Variants in SCEL observed in about 807,000 individuals in gnomAD.
SCEL encodes sciellin.
In SCEL, 113 loss-of-function variants were observed where a neutral mutation model predicts 117.6. That is an observed-to-expected ratio of 0.96 (90% confidence interval 0.83 to 1.12). The LOEUF is 1.12. SCEL is among the 50% of genes most tolerant of loss of function. The pLI is 0.00. For missense variants in SCEL, 785 were observed against 810.8 expected (o/e 0.97, Z 0.39); for synonymous variants, 270 against 256.2 (o/e 1.05, Z -0.51).
chr13:77,553,640 G>A (rs2084480412), intron 1 of SCEL, among the ~76,000 whole-genome samples: 1 of 151,982 alleles, frequency 6.6e-6, no homozygotes, highest in Non-Finnish European at 1.5e-5. Flanking sequence ...CTCCCGGTGT[G>A]CTCAGCTGCC....
intron 9 of SCEL, among the ~76,000 whole-genome samples, chr13:77,574,169 G>A (rs1438727736): frequency 6.6e-6 from 1 of 152,188 alleles, no homozygotes; most frequent in Non-Finnish European, 1.5e-5. Flanking sequence ...ATATAACAGT[G>A]TAAAACATGG....
At position 77,642,918 on chromosome 13, in the gene SCEL, A is replaced by G. The variant is rs1226459545; in HGVS notation, c.2050+110A>G. ...GTAAAACATTTTACTAGTTATATTT[A>G]GTTAATAATTCAGCTGCAGATATTT... On this transcript the variant is annotated intron_variant, in intron 32 of 32. Transcript: ENST00000349847. 1.5e-5 allele frequency: 8 copies of G among 551,102 alleles called. No individual in the cohort carries two copies. The African/African-American group carries it at 1.5e-4, about 11-fold the overall frequency. The allele number at this position is 551,102 out of a possible 1,614,324, so 34.1% of individuals were successfully genotyped here. A position where few individuals can be genotyped will look rare whatever the true frequency, so the allele number is the denominator to read the frequency against.
At chr13:77,571,365 C>T (rs1487588986) in intron 8 of SCEL, among the ~76,000 whole-genome samples, 2 of 115,614 alleles carry the variant, frequency 1.7e-5, no homozygotes, top group Non-Finnish European at 3.4e-5. Flanking sequence ...TGGGAGACAG[C>T]GAGACTACAT....
At chr13:77,637,413 A>T (rs45521439) in intron 30 of SCEL, among the ~76,000 whole-genome samples, 2 of 109,002 alleles carry the variant, frequency 1.8e-5, no homozygotes, top group African/African-American at 3.8e-5. Flanking sequence ...TATATAAATA[A>T]ATATATATAT....
intron 1 of SCEL, among the ~76,000 whole-genome samples, chr13:77,541,892 G>T (rs2083722272): frequency 6.6e-6 from 1 of 152,082 alleles, no homozygotes; most frequent in Admixed American, 6.5e-5. Context: ...TAACTAACAG[G>T]GTTTTGGCTC....
intron 27 of SCEL, among the ~76,000 whole-genome samples, chr13:77,618,292 T>A (rs2089212712): frequency 6.6e-6 from 1 of 152,104 alleles, no homozygotes; most frequent in Non-Finnish European, 1.5e-5. Flanking sequence ...GTGGTCCTCC[T>A]GCCTCAGCCT....
At chr13:77,630,399 C>T (rs2089969917) in intron 28 of SCEL, among the ~76,000 whole-genome samples, 1 of 152,086 alleles carries the variant, frequency 6.6e-6, no homozygotes, top group South Asian at 2.1e-4. Flanking sequence ...TATAAGGTGG[C>T]CAGACAATTT....
chr13:77,540,431 T>C (rs947890297), intron 1 of SCEL, among the ~76,000 whole-genome samples: 2 of 152,176 alleles, frequency 1.3e-5, no homozygotes, highest in East Asian at 1.9e-4. Context: ...TTATGGAAAC[T>C]CTTTGCTATT....
intron 27 of SCEL, among the ~76,000 whole-genome samples, chr13:77,621,543 T>C (rs1177683145): frequency 1.3e-5 from 2 of 152,232 alleles, no homozygotes; most frequent in Non-Finnish European, 2.9e-5. Flanking sequence ...GCCCATAACA[T>C]TGGTCTCTTC....
chr13:77,548,752 C>T (rs2084134135), intron 1 of SCEL, among the ~76,000 whole-genome samples: 1 of 152,240 alleles, frequency 6.6e-6, no homozygotes, highest in African/African-American at 2.4e-5. Context: ...AGTTCCCCTG[C>T]ACATGCTCTC....
intron 27 of SCEL, among the ~76,000 whole-genome samples, chr13:77,627,128 G>T (rs1021147071): frequency 1.2e-4 from 19 of 152,030 alleles, no homozygotes; most frequent in African/African-American, 4.6e-4. Flanking sequence ...GATTTCCCTT[G>T]TTTCTGTGAT....
chr13:77,600,364 C>T (rs556990886), intron 15 of SCEL, among the ~76,000 whole-genome samples: 2 of 151,946 alleles, frequency 1.3e-5, no homozygotes, highest in Admixed American at 6.6e-5. Flanking sequence ...CCTGACCTCA[C>T]GTGATCTGCC....
chr13:77,543,529 C>A (rs975534285), intron 1 of SCEL, among the ~76,000 whole-genome samples: 2 of 152,080 alleles, frequency 1.3e-5, no homozygotes, highest in Non-Finnish European at 2.9e-5. Flanking sequence ...GTTAAAATAT[C>A]CAAATGTCAC....
rs1315143204 is a variant in SCEL at position 77,620,698 on chromosome 13, T to A, written c.1628+2638T>A. ...TGGTAGCCTATAAACTGTGTTAGAC[T>A]GATTATTAAAATGCTACATTTCTGC... On this transcript the variant is annotated intron_variant, in intron 27 of 32. Transcript: ENST00000349847. Among the ~76,000 whole-genome samples the A allele has an allele frequency of 3.9e-5, 6 of 152,306 alleles. 1 individual carries two copies. In the East Asian group the frequency reaches 1.2e-3, roughly 29 times the overall value.
At chr13:77,625,640 G>A (rs1052924802) in intron 27 of SCEL, among the ~76,000 whole-genome samples, 4 of 152,174 alleles carry the variant, frequency 2.6e-5, no homozygotes, top group African/African-American at 9.7e-5. Context: ...TGAGGCTTAA[G>A]TATGGCTAGG....
chr13:77,607,802 A>G (rs1312971003), intron 19 of SCEL, among the ~76,000 whole-genome samples: 3 of 152,220 alleles, frequency 2.0e-5, no homozygotes, highest in African/African-American at 7.2e-5. Context: ...TCCTAGTGCA[A>G]TACTTGCTAG....
intron 11 of SCEL, among the ~76,000 whole-genome samples, chr13:77,592,505 A>G (rs951546477): frequency 6.6e-6 from 1 of 151,260 alleles, no homozygotes; most frequent in African/African-American, 2.4e-5. Context: ...TCTTCATGGA[A>G]CCTTATTAAC....
intron 30 of SCEL, among the ~76,000 whole-genome samples, chr13:77,638,668 T>TA (rs1313946420): frequency 6.6e-6 from 1 of 152,188 alleles, no homozygotes; most frequent in Non-Finnish European, 1.5e-5. Context: ...GCGATGTTCT[T>TA]ACAGTTCTTA....
intron 29 of SCEL, among the ~76,000 whole-genome samples, 180 bp from the exon 30 acceptor site, chr13:77,636,940 G>T (rs980998967): frequency 2.6e-5 from 4 of 151,970 alleles, no homozygotes; most frequent in Non-Finnish European, 5.9e-5. Flanking sequence ...ATGTCAAATT[G>T]GGGGTGACTT....
Sources: allele counts gnomAD v4.1 joint callset (sites outside exome capture counted in the v4.1 genomes callset), GRCh38; gene constraint gnomAD v4.1.1; transcripts MANE v1.5; gene names NCBI Gene and HGNC (gene_info 2026-07-23, HGNC 2026-07-21).